The following TYW1B variants were observed in gnomAD, a reference collection of about 807,000 sequenced individuals.
TYW1B encodes tRNA-yW synthesizing protein 1 homolog B.
A neutral mutation model predicts 86.9 loss-of-function variants in TYW1B; 73 were observed. The observed-to-expected ratio is 0.84, with a 90% CI of 0.70 to 1.02. TYW1B has a LOEUF of 1.02. TYW1B is among the 50% of genes least tolerant of loss of function. The probability of loss-of-function intolerance (pLI) is 0.00; values close to 1 mark genes in which losing one functional copy is unlikely to be tolerated. For missense variants in TYW1B, 637 were observed against 827.4 expected (o/e 0.77, Z 2.82); for synonymous variants, 248 against 292.8 (o/e 0.85, Z 1.56).
intron 7 of TYW1B, among the ~76,000 whole-genome samples, chr7:72,754,030 T>C (rs1217569042): frequency 6.6e-6 from 1 of 152,190 alleles, no homozygotes; most frequent in Non-Finnish European, 1.5e-5. Flanking sequence ...ATGCTAGCCC[T>C]ACTTCAACAA....
chr7:72,672,075 G>C (rs1454082389), intron 11 of TYW1B, among the ~76,000 whole-genome samples: 1 of 151,964 alleles, frequency 6.6e-6, no homozygotes. Flanking sequence ...TTCCCATGCT[G>C]TTCTCGTGAT....
At chr7:72,729,932 G>A (rs1787073099) in intron 8 of TYW1B, among the ~76,000 whole-genome samples, 1 of 152,080 alleles carries the variant, frequency 6.6e-6, no homozygotes, top group Non-Finnish European at 1.5e-5. Context: ...CACAGTCCAG[G>A]CCAGTGAGGC....
At chr7:72,658,237 C>T (rs1267205331) in intron 11 of TYW1B, among the ~76,000 whole-genome samples, 23 of 148,830 alleles carry the variant, frequency 1.5e-4, no homozygotes, top group South Asian at 1.5e-3. Flanking sequence ...GGTGACAGAG[C>T]GAGACTCCGT....
intron 13 of TYW1B, among the ~76,000 whole-genome samples, chr7:72,591,296 T>C (rs563912747): frequency 6.8e-4 from 103 of 151,846 alleles, no homozygotes; most frequent in Admixed American, 5.3e-3. Context: ...TGGTCAAAAT[T>C]TTCCCTAAAT....
chr7:72,725,882 TCA>T (rs1554458599), intron 9 of TYW1B, among the ~76,000 whole-genome samples: 1 of 151,926 alleles, frequency 6.6e-6, no homozygotes, highest in Non-Finnish European at 1.5e-5. Flanking sequence ...CTCTCTCCCC[TCA>T]CACACGCACA....
chr7:72,827,672 G>A (rs1441830902), intron 1 of TYW1B, among the ~76,000 whole-genome samples: 1 of 152,008 alleles, frequency 6.6e-6, no homozygotes, highest in African/African-American at 2.4e-5. Context: ...ACTTTCAAAG[G>A]CTCACGGTTA....
chr7:72,608,005 A>C (rs1380835338), intron 13 of TYW1B, among the ~76,000 whole-genome samples: 5 of 152,206 alleles, frequency 3.3e-5, no homozygotes, highest in Non-Finnish European at 5.9e-5. Flanking sequence ...TCAAATGACA[A>C]AGGATTTTTC....
chr7:72,602,833 A>AACACACACAC (rs55709140), intron 13 of TYW1B, among the ~76,000 whole-genome samples: 4,233 of 127,716 alleles, frequency 0.033, 59 homozygotes, highest in East Asian at 0.067. Flanking sequence ...AAGTGCTCAA[A>AACACACACAC]ACACACACAC....
intron 10 of TYW1B, among the ~76,000 whole-genome samples, chr7:72,696,727 T>C (rs1368518555): frequency 3.3e-5 from 5 of 152,164 alleles, no homozygotes; most frequent in East Asian, 1.9e-4. Flanking sequence ...TAGTGATATA[T>C]AGAAAAATCA....
chr7:72,598,289 A>G (rs1168413045), intron 13 of TYW1B, among the ~76,000 whole-genome samples: 1 of 152,040 alleles, frequency 6.6e-6, no homozygotes, highest in East Asian at 1.9e-4. Flanking sequence ...CAAGTTCTTC[A>G]GGTTTGGGAC....
At chr7:72,772,358 G>A (rs577527901) in intron 7 of TYW1B, among the ~76,000 whole-genome samples, 1 of 152,100 alleles carries the variant, frequency 6.6e-6, no homozygotes, top group African/African-American at 2.4e-5. Flanking sequence ...AAAAATGAAC[G>A]GTATGCTGGG....
chr7:72,583,089 A>G lies in TYW1B; in HGVS notation c.1786-7370T>C, dbSNP rs142598716. On this transcript the variant is annotated intron_variant, in intron 13 of 13. Transcript: ENST00000620995. ...ATAAAGAGATAATAAGCGGCCAGGC[A>G]TGGTGGCTCACACCTGTAATCCCAG... is the stretch of plus-strand genomic sequence containing the variant. 4.9e-3 allele frequency among the ~76,000 whole-genome samples: 751 copies of G among 152,280 alleles called. 5 individuals carry two copies. The highest frequency in any genetic ancestry group is 0.011 in the Admixed American group (165 of 15,276).
intron 13 of TYW1B, among the ~76,000 whole-genome samples, chr7:72,607,017 A>G (rs1554434983): frequency 6.6e-6 from 1 of 152,236 alleles, no homozygotes; most frequent in African/African-American, 2.4e-5. Flanking sequence ...AAAGATGCCA[A>G]CGTGGTATGT....
chr7:72,746,290 G>GT (rs1284865445), intron 7 of TYW1B, among the ~76,000 whole-genome samples: 1 of 151,952 alleles, frequency 6.6e-6, no homozygotes, highest in Non-Finnish European at 1.5e-5. Flanking sequence ...AAAAAAAGGA[G>GT]TGAAGGGAAA....
At position 72,773,084 on chromosome 7, in the gene TYW1B, C is replaced by A. The variant is rs531602805; in HGVS notation, c.964+4332G>T. 9.7e-4 allele frequency among the ~76,000 whole-genome samples: 147 copies of A among 152,272 alleles called. 1 individual carries two copies. Among genetic ancestry groups the A allele is most frequent in the Non-Finnish European group, 1.6e-3 (109 of 68,008 alleles). The stretch of plus-strand genomic sequence containing the variant: ...TCCTCTCGTGGAATTCCATATTATA[C>A]TGTTCATACTATCATAGAAATCATC... On this transcript the variant is annotated intron_variant, in intron 7 of 13. Transcript: ENST00000620995.
At chr7:72,716,500 G>A (rs1169723612) in intron 9 of TYW1B, among the ~76,000 whole-genome samples, 11 of 152,190 alleles carry the variant, frequency 7.2e-5, no homozygotes, top group African/African-American at 2.2e-4. Context: ...TTGTGCCTCA[G>A]TTTTCAGAAA....
intron 6 of TYW1B, among the ~76,000 whole-genome samples, chr7:72,788,959 T>C (rs1554472962): frequency 6.6e-6 from 1 of 151,870 alleles, no homozygotes; most frequent in Non-Finnish European, 1.5e-5. Context: ...GCCTCCCAAG[T>C]AGCTGGGACC....
intron 11 of TYW1B, among the ~76,000 whole-genome samples, chr7:72,655,504 C>A (rs1813179739): frequency 6.6e-6 from 1 of 152,090 alleles, no homozygotes; most frequent in Admixed American, 6.6e-5. Context: ...CTGCTGGCAT[C>A]CCCCATGTTC....
chr7:72,710,181 CA>C (rs1285779874), intron 10 of TYW1B, among the ~76,000 whole-genome samples: 6 of 152,052 alleles, frequency 3.9e-5, no homozygotes, highest in Non-Finnish European at 5.9e-5. Context: ...TATCATTTTG[CA>C]AAAAATTACT....
Sources: allele counts gnomAD v4.1 joint callset (sites outside exome capture counted in the v4.1 genomes callset), GRCh38; gene constraint gnomAD v4.1.1; transcripts MANE v1.5; gene names NCBI Gene and HGNC (gene_info 2026-07-23, HGNC 2026-07-21).